The following OTOGL variants were observed in gnomAD, a reference collection of about 807,000 sequenced individuals.
OTOGL encodes the protein otogelin like.
OTOGL carries 285 observed loss-of-function variants against 318.5 expected under a neutral mutation model. That is an observed-to-expected ratio of 0.89 (90% CI 0.81 to 0.99). OTOGL has a LOEUF of 0.99. Among genes scored for constraint, OTOGL ranks in the 50% least tolerant of loss-of-function variants. The pLI is 0.00. For missense variants in OTOGL, 2,899 were observed against 2,845.6 expected (o/e 1.02, Z -0.43); for synonymous variants, 987 against 936.5 (o/e 1.05, Z -0.99).
At chr12:80,310,934 T>C (rs1454846656) in intron 30 of OTOGL, among the ~76,000 whole-genome samples, 2 of 152,208 alleles carry the variant, frequency 1.3e-5, no homozygotes, top group Non-Finnish European at 2.9e-5. Context: ...ACATCTAATT[T>C]AACAGTGTAC....
intron 1 of OTOGL, among the ~76,000 whole-genome samples, chr12:80,108,216 T>C (rs1358540525): frequency 1.3e-5 from 2 of 152,106 alleles, no homozygotes; most frequent in African/African-American, 2.4e-5. Context: ...CTTTAGAACA[T>C]TGGATTTTTG....
chr12:80,313,669 C>A, intron 31 of OTOGL, 37 bp downstream of exon 31: 1 of 1,512,758 alleles, frequency 6.6e-7, no homozygotes, highest in Admixed American at 1.9e-5. Flanking sequence ...ATGTAGAGAA[C>A]TGATAAAGAG....
At position 80,255,340 on chromosome 12, in the gene OTOGL, T is replaced by C. The variant is rs150300680; in HGVS notation, c.1587+155T>C. Among the ~76,000 whole-genome samples, 131 of 152,128 alleles carry C rather than the reference T, an allele frequency of 8.6e-4. 3 individuals are homozygous for C. The East Asian group carries it at 0.024, about 27-fold the overall frequency. ...TAAGATACATCATTATTCTACATATTAGAAAGAAGTGTTGATAATTATTCT... is the reference window on the plus strand; with the variant it reads ...TAAGATACATCATTATTCTACATATCAGAAAGAAGTGTTGATAATTATTCT... On this transcript the variant is annotated intron_variant, in intron 16 of 58. Transcript: ENST00000547103.
At chr12:80,269,910 A>C (rs1883273242) in intron 22 of OTOGL, among the ~76,000 whole-genome samples, 192 bp from the exon 23 acceptor site, 1 of 152,100 alleles carries the variant, frequency 6.6e-6, no homozygotes, top group Non-Finnish European at 1.5e-5. Context: ...GTGTTTGATA[A>C]AAAGTGTTGT....
At chr12:80,170,217 GTATGTGTGTGTGTGTA>G (rs1874108277) in intron 1 of OTOGL, among the ~76,000 whole-genome samples, 2 of 115,150 alleles carry the variant, frequency 1.7e-5, no homozygotes, top group Admixed American at 7.8e-5. Context: ...GTGTGTGTAT[GTATGTGTGTGTGTGTA>G]TGTATGTATG....
At chr12:80,159,998 A>T (rs1263550916) in intron 1 of OTOGL, among the ~76,000 whole-genome samples, 1 of 152,104 alleles carries the variant, frequency 6.6e-6, no homozygotes, top group Admixed American at 6.6e-5. Context: ...AAGTGGGGAA[A>T]GGACACCCTA....
At chr12:80,154,991 G>C (rs1026334737) in intron 1 of OTOGL, among the ~76,000 whole-genome samples, 1 of 152,136 alleles carries the variant, frequency 6.6e-6, no homozygotes, top group African/African-American at 2.4e-5. Flanking sequence ...ATATGTAGTG[G>C]TATCACATTA....
intron 1 of OTOGL, among the ~76,000 whole-genome samples, chr12:80,119,649 C>T (rs982047344): frequency 2.0e-5 from 3 of 152,128 alleles, no homozygotes; most frequent in Non-Finnish European, 4.4e-5. Flanking sequence ...CCCATGTACT[C>T]TGTTACTGTA....
chr12:80,340,415 C>T (rs1319504229), intron 43 of OTOGL, among the ~76,000 whole-genome samples: 1 of 152,050 alleles, frequency 6.6e-6, no homozygotes, highest in Non-Finnish European at 1.5e-5. Flanking sequence ...TGTACTAAAT[C>T]AATAGTTATT....
rs1466387208 is a variant in OTOGL, at chr12:80,353,379, C to G, written c.5462C>G (p.Ala1821Gly). The change falls in exon 46 of 59, where the codon GCA (alanine) becomes GGA (glycine). Residue 1821 changes from alanine (A) to glycine (G), a missense_variant. By Grantham distance (60) the Ala-to-Gly change is moderately conservative. Transcript: ENST00000547103. ...EYQPCVRPCEARTCLNQWFYG... is the reference protein window; with the variant it reads ...EYQPCVRPCEGRTCLNQWFYG... Reference sequence around the variant, plus strand: ...CAACCCTGTGTGCGACCTTGTGAAGCAAGAACATGCCTGAACCAATGGTTC... The same window carrying G: ...CAACCCTGTGTGCGACCTTGTGAAGGAAGAACATGCCTGAACCAATGGTTC... The G allele has an allele frequency of 6.2e-7, 1 of 1,601,300 alleles. No homozygotes were observed. Among genetic ancestry groups the G allele is most frequent in the African/African-American group, 1.3e-5 (1 of 74,726 alleles).
At chr12:80,365,619 G>A (rs921418) in intron 52 of OTOGL, among the ~76,000 whole-genome samples, 143,168 of 152,230 alleles carry the variant, frequency 0.94, 67,398 homozygotes, top group East Asian at 1. Context: ...ATTATTTTTA[G>A]CTCCATTATT....
chr12:80,371,450 C>T (rs1394066017), intron 56 of OTOGL, among the ~76,000 whole-genome samples: 1 of 152,002 alleles, frequency 6.6e-6, no homozygotes, highest in Non-Finnish European at 1.5e-5. Context: ...TGGGCATCAT[C>T]TTGTTTCACA....
At chr12:80,203,750 C>G (rs1565898306) in intron 1 of OTOGL, among the ~76,000 whole-genome samples, 1 of 152,158 alleles carries the variant, frequency 6.6e-6, no homozygotes. Context: ...TTTGCCTGGA[C>G]TTCTTTTTCT....
At chr12:80,264,790 CTA>C (rs1882812706) in intron 19 of OTOGL, among the ~76,000 whole-genome samples, 1 of 130,582 alleles carries the variant, frequency 7.7e-6, no homozygotes. Flanking sequence ...GTACAATACA[CTA>C]TTTTTTTTCC....
chr12:80,281,251 G>A lies in OTOGL; in HGVS notation c.2928+2085G>A, dbSNP rs1884216082. On this transcript the variant is annotated intron_variant, in intron 26 of 58. Transcript: ENST00000547103. Reference sequence around the variant, plus strand: ...ACTATGTTGAATGAGAGTGATGAGAGTGGGCATCCTTGTCTTGTTCCACTT... The same window carrying A: ...ACTATGTTGAATGAGAGTGATGAGAATGGGCATCCTTGTCTTGTTCCACTT... 2.0e-5 allele frequency among the ~76,000 whole-genome samples: 3 copies of A among 151,700 alleles called. No individual in the cohort carries two copies. The South Asian group carries it at 6.2e-4, about 32-fold the overall frequency.
At chr12:80,174,225 A>T (rs756929675) in intron 1 of OTOGL, among the ~76,000 whole-genome samples, 1 of 152,200 alleles carries the variant, frequency 6.6e-6, no homozygotes, top group Non-Finnish European at 1.5e-5. Context: ...AGCTGGAGTC[A>T]GAGATTCACT....
intron 6 of OTOGL, among the ~76,000 whole-genome samples, 174 bp from the exon 7 acceptor site, chr12:80,221,917 G>C (rs1221912768): frequency 6.6e-6 from 1 of 152,068 alleles, no homozygotes; most frequent in Admixed American, 6.6e-5. Flanking sequence ...TTCTTCAGGG[G>C]AGTTTGATAG....
intron 5 of OTOGL, among the ~76,000 whole-genome samples, chr12:80,219,335 C>T (rs532249511): frequency 6.6e-6 from 1 of 152,224 alleles, no homozygotes; most frequent in Admixed American, 6.5e-5. Flanking sequence ...TGGTCTCGAA[C>T]TCCTGACCTC....
chr12:80,124,633 C>T (rs916962209), intron 1 of OTOGL, among the ~76,000 whole-genome samples: 64 of 152,012 alleles, frequency 4.2e-4, no homozygotes, highest in African/African-American at 1.3e-3. Flanking sequence ...TTGGGCAATA[C>T]GGCCATTTTC....
Sources: allele counts gnomAD v4.1 joint callset (sites outside exome capture counted in the v4.1 genomes callset), GRCh38; gene constraint gnomAD v4.1.1; transcripts MANE v1.5; gene names NCBI Gene and HGNC (gene_info 2026-07-23, HGNC 2026-07-21).